Variants in SCML4 observed in about 807,000 individuals in gnomAD.
SCML4 encodes the protein sex comb on midleg-like protein 4.
A neutral mutation model predicts 41.1 loss-of-function variants in SCML4; 34 were observed. The ratio of observed to expected loss-of-function variants is 0.83; its 90% CI spans 0.63 to 1.10. The LOEUF (loss-of-function observed/expected upper bound fraction) is 1.10. SCML4 is among the 50% of genes least tolerant of loss of function. SCML4 has a pLI of 0.00. For synonymous variants in SCML4, 214 were observed against 220.9 expected, an observed-to-expected ratio of 0.97 and a Z score of 0.28; for missense variants, 522 against 534.1, an observed-to-expected ratio of 0.98 and a Z score of 0.22.
Position 107,754,324 on chromosome 6 carries a change from CATGGGA to C in SCML4, c.157-4517_157-4512del, listed in dbSNP as rs200160719. Among the ~76,000 whole-genome samples, 188 of 152,336 alleles carry C rather than the reference CATGGGA, an allele frequency of 1.2e-3. 1 individual carries two copies. The East Asian group carries it at 0.024, about 20-fold the overall frequency. On this transcript the variant is annotated intron_variant, in intron 2 of 7. Transcript: ENST00000369020. ...AACATAATTTAAAAGAAACCTCAGTCATGGGAATGGGAGATCATAAACCTGTTTTGA... is the reference window on the plus strand; with the variant it reads ...AACATAATTTAAAAGAAACCTCAGTCATGGGAGATCATAAACCTGTTTTGA...
intron 1 of SCML4, among the ~76,000 whole-genome samples, chr6:107,779,549 G>A (rs116617724): frequency 0.012 from 1,882 of 152,294 alleles, 40 homozygotes; most frequent in African/African-American, 0.043. Flanking sequence ...AGGATGCCTA[G>A]CCTCTGCTGG....
intron 1 of SCML4, among the ~76,000 whole-genome samples, chr6:107,811,042 A>G (rs1784124256): frequency 6.6e-6 from 1 of 152,206 alleles, no homozygotes; most frequent in Non-Finnish European, 1.5e-5. Flanking sequence ...AGTAAGAGAC[A>G]TCAGGAGTGG....
intron 5 of SCML4, among the ~76,000 whole-genome samples, chr6:107,744,307 C>T (rs1777861489): frequency 1.3e-5 from 2 of 152,162 alleles, no homozygotes; most frequent in Non-Finnish European, 1.5e-5. Flanking sequence ...TTGCTACCCT[C>T]CCCAAGGGCC....
At chr6:107,841,903 G>T in the SCML4 span, among the ~76,000 whole-genome samples, 1 of 152,010 alleles carries the variant, frequency 6.6e-6, no homozygotes, top group Non-Finnish European at 1.5e-5. Flanking sequence ...GTGGTAGGAA[G>T]GTTTTTCTTG....
chr6:107,798,196 A>C (rs1286843964), intron 1 of SCML4, among the ~76,000 whole-genome samples: 4 of 151,958 alleles, frequency 2.6e-5, no homozygotes, highest in Non-Finnish European at 5.9e-5. Context: ...CATATATAAG[A>C]TATATTATTT....
At chr6:107,789,892 C>T (rs1204133032) in intron 1 of SCML4, among the ~76,000 whole-genome samples, 5 of 152,188 alleles carry the variant, frequency 3.3e-5, no homozygotes, top group Non-Finnish European at 5.9e-5. Context: ...ATTAATAAAA[C>T]GTACATACAT....
chr6:107,816,875 A>T (rs994884309), intron 1 of SCML4, among the ~76,000 whole-genome samples: 1 of 152,242 alleles, frequency 6.6e-6, no homozygotes, highest in African/African-American at 2.4e-5. Flanking sequence ...CAGTGGCACC[A>T]TGGTTTCAGC....
chr6:107,814,054 G>A (rs149957760), intron 1 of SCML4, among the ~76,000 whole-genome samples: 5 of 152,196 alleles, frequency 3.3e-5, no homozygotes, highest in Non-Finnish European at 7.3e-5. Flanking sequence ...GAGCTGCAAG[G>A]CTCCATATAT....
chr6:107,786,014 G>C (rs36075813), intron 1 of SCML4, among the ~76,000 whole-genome samples: 21,327 of 152,092 alleles, frequency 0.14, 2,019 homozygotes, highest in African/African-American at 0.27. Flanking sequence ...ATCTAGGACA[G>C]CTAGGCTGAA....
At position 107,759,368 on chromosome 6, in the gene SCML4, A is replaced by ATACATACATACATAT. The variant is rs61536006; in HGVS notation, c.157-9556_157-9555insATATGTATGTATGTA. ...ACATACATACATACATACATACATA[A>ATACATACATACATAT]GGCTGCTGTTAGGCAGAATGGATGG... is the stretch of plus-strand genomic sequence containing the variant. On this transcript the variant is annotated intron_variant, in intron 2 of 7. Coordinates refer to ENST00000369020, the MANE Select transcript of SCML4 (RefSeq NM_198081.5). Among the ~76,000 whole-genome samples the ATACATACATACATAT allele has an allele frequency of 2.7e-5, 4 of 149,120 alleles. No individual in the cohort carries two copies. In the South Asian group the frequency reaches 6.3e-4, roughly 24 times the overall value.
In SCML4 at chr6:107,772,132, G is replaced by A; in HGVS notation, c.156+40C>T. ...GGTCTGACCAAGTACCCGTGCCCCA[G>A]CCCAATACCACTTTGGAGAAGGAGA... On this transcript the variant is annotated intron_variant, in intron 2 of 7. Transcript: ENST00000369020. 2.6e-6 allele frequency: 4 copies of A among 1,522,030 alleles called. No homozygotes were observed. The South Asian group carries it at 3.8e-5, about 15-fold the overall frequency. The allele number at this position is 1,522,030 out of a possible 1,614,324, so 94.3% of individuals were successfully genotyped here. A position where few individuals can be genotyped will look rare whatever the true frequency, so the allele number is the denominator to read the frequency against.
chr6:107,744,764 G>T (rs1777908930), intron 5 of SCML4, among the ~76,000 whole-genome samples, 185 bp downstream of exon 5: 4 of 152,208 alleles, frequency 2.6e-5, no homozygotes, highest in Non-Finnish European at 5.9e-5. Flanking sequence ...CTGGGGTGGG[G>T]ACTGTCCAGG....
intron 1 of SCML4, among the ~76,000 whole-genome samples, chr6:107,817,648 T>A (rs1349539006): frequency 1.7e-3 from 162 of 93,044 alleles, no homozygotes; most frequent in Middle Eastern, 6.6e-3. Flanking sequence ...AAAAAAAAAA[T>A]CACTGAATGT....
intron 1 of SCML4, among the ~76,000 whole-genome samples, chr6:107,820,247 G>C (rs541972512): frequency 1.3e-5 from 2 of 152,324 alleles, no homozygotes; most frequent in African/African-American, 2.4e-5. Flanking sequence ...AGAGGGAAGA[G>C]AGGAGGCTGA....
intron 4 of SCML4, chr6:107,746,289 G>A (rs1778081363): frequency 5.8e-6 from 1 of 171,340 alleles, no homozygotes; most frequent in Non-Finnish European, 1.2e-5. Context: ...GGCAGAGGAG[G>A]GGCATGATCT....
In SCML4 at chr6:107,772,395, T is replaced by A. The variant is rs1273509010; in HGVS notation, c.-59-9A>T. 2.8e-6 allele frequency: 4 copies of A among 1,414,958 alleles called. No homozygotes were observed. The highest frequency in any genetic ancestry group is 3.8e-6 in the Non-Finnish European group (4 of 1,050,638). 87.7% of individuals were successfully genotyped at this position (1,414,958 alleles called of 1,614,324 possible). On this transcript the variant is annotated splice_polypyrimidine_tract_variant and intron_variant, in intron 1 of 7. Coordinates refer to ENST00000369020, the MANE Select transcript of SCML4 (RefSeq NM_198081.5). ...CACAGGCAGAAGAGGTGCTAAGAATTAGTCCAGACACAAAGCAAAACAAAA... is the reference window on the plus strand; with the variant it reads ...CACAGGCAGAAGAGGTGCTAAGAATAAGTCCAGACACAAAGCAAAACAAAA...
intron 1 of SCML4, among the ~76,000 whole-genome samples, chr6:107,790,979 A>T (rs1184122943): frequency 6.6e-6 from 1 of 151,794 alleles, no homozygotes; most frequent in African/African-American, 2.4e-5. Flanking sequence ...CTGAGGCAGG[A>T]GAATTGCTTG....
chr6:107,754,413 G>A (rs1026092562), intron 2 of SCML4, among the ~76,000 whole-genome samples: 18 of 152,102 alleles, frequency 1.2e-4, no homozygotes, highest in African/African-American at 1.9e-4. Flanking sequence ...TGAGGGTGGC[G>A]GCTGCCATGC....
chr6:107,736,459 G>A (rs1201543772), intron 5 of SCML4, among the ~76,000 whole-genome samples: 1 of 152,122 alleles, frequency 6.6e-6, no homozygotes, highest in African/African-American at 2.4e-5. Flanking sequence ...CAAAGGGCCG[G>A]GGATGAGAAG....
Sources: gnomAD v4.1 joint callset for allele counts (sites outside exome capture counted in the v4.1 genomes callset) on GRCh38, gnomAD v4.1.1 for gene constraint, MANE v1.5 for transcripts, NCBI Gene and HGNC (gene_info 2026-07-23, HGNC 2026-07-21) for gene names.